SNTG1: variants seen among roughly 807,000 people sequenced by gnomAD.
The protein encoded by SNTG1 is syntrophin gamma 1.
In SNTG1, 39 loss-of-function variants were observed where a neutral mutation model predicts 74.7. That is an observed-to-expected ratio of 0.52 (90% CI 0.40 to 0.68). The LOEUF is 0.68. SNTG1 is among the 30% of genes least tolerant of loss of function. The pLI is 0.00. For missense variants in SNTG1, 685 were observed against 609.5 expected, an observed-to-expected ratio of 1.12 and a Z score of -1.30; for synonymous variants, 254 against 217.1, an observed-to-expected ratio of 1.17 and a Z score of -1.49.
chr8:50,703,059 A>G (rs923626260), intron 15 of SNTG1, among the ~76,000 whole-genome samples: 3 of 152,194 alleles, frequency 2.0e-5, no homozygotes, highest in Non-Finnish European at 4.4e-5. Context: ...GTTACTATAC[A>G]GCACTATAGA....
chr8:50,623,550 C>A (rs2094936983), intron 13 of SNTG1, among the ~76,000 whole-genome samples: 1 of 152,050 alleles, frequency 6.6e-6, no homozygotes, highest in Non-Finnish European at 1.5e-5. Context: ...GATTCCATGT[C>A]CCTGTATGTG....
intron 15 of SNTG1, among the ~76,000 whole-genome samples, chr8:50,701,586 CTCT>C (rs5891382): frequency 0.086 from 12,414 of 145,160 alleles, 688 homozygotes; most frequent in Non-Finnish European, 0.12. Flanking sequence ...CTTTTTCTTC[CTCT>C]TCTTCTTCTT....
intron 1 of SNTG1, among the ~76,000 whole-genome samples, chr8:49,970,385 A>T (rs1469579894): frequency 6.6e-6 from 1 of 152,176 alleles, no homozygotes. Context: ...TCAGTAATGC[A>T]TGTGTGTTTA....
intron 2 of SNTG1, among the ~76,000 whole-genome samples, chr8:50,361,552 C>T (rs372622945): frequency 2.0e-4 from 31 of 152,208 alleles, no homozygotes; most frequent in African/African-American, 4.6e-4. Context: ...GCTGCCCAGA[C>T]GGGACTCAAA....
chr8:50,553,418 G>T (rs1385123873), intron 12 of SNTG1, among the ~76,000 whole-genome samples: 2 of 152,086 alleles, frequency 1.3e-5, no homozygotes, highest in African/African-American at 4.8e-5. Flanking sequence ...TTAAGCAAAT[G>T]AAAATAACTA....
chr8:50,291,221 A>G (rs908761786), intron 2 of SNTG1, among the ~76,000 whole-genome samples: 3 of 140,252 alleles, frequency 2.1e-5, no homozygotes, highest in Non-Finnish European at 4.6e-5. Context: ...GTGTTTATAT[A>G]TAAGAGAGAG....
intron 1 of SNTG1, among the ~76,000 whole-genome samples, chr8:49,955,947 T>A (rs1158519723): frequency 1.3e-5 from 2 of 152,198 alleles, no homozygotes; most frequent in Non-Finnish European, 2.9e-5. Context: ...AAGTATGTCA[T>A]CTCATTTTCT....
chr8:50,087,316 T>C (rs1822986459), intron 1 of SNTG1, among the ~76,000 whole-genome samples: 1 of 152,178 alleles, frequency 6.6e-6, no homozygotes, highest in Non-Finnish European at 1.5e-5. Flanking sequence ...GTAACAAGAC[T>C]AGTGCTCAAT....
intron 18 of SNTG1, among the ~76,000 whole-genome samples, chr8:50,754,183 T>G (rs1029620500): frequency 6.6e-6 from 1 of 151,698 alleles, no homozygotes; most frequent in Non-Finnish European, 1.5e-5. Context: ...ACATAAGCTT[T>G]TATTTATCTG....
chr8:50,266,409 C>T (rs902059398), intron 2 of SNTG1, among the ~76,000 whole-genome samples: 2 of 151,686 alleles, frequency 1.3e-5, no homozygotes, highest in Non-Finnish European at 2.9e-5. Context: ...TGGATCATGT[C>T]CTCAAATCAT....
At chr8:50,460,185 T>C (rs764169145) in intron 8 of SNTG1, among the ~76,000 whole-genome samples, 19 of 152,208 alleles carry the variant, frequency 1.2e-4, no homozygotes, top group Non-Finnish European at 2.1e-4. Context: ...TTCTGAATGG[T>C]GCGAGATGGT....
chr8:49,964,200 C>T (rs977297303), intron 1 of SNTG1, among the ~76,000 whole-genome samples: 5 of 152,162 alleles, frequency 3.3e-5, no homozygotes, highest in Non-Finnish European at 2.9e-5. Context: ...AAGTAGATTA[C>T]TCTTCAAGTG....
intron 4 of SNTG1, among the ~76,000 whole-genome samples, chr8:50,411,815 G>T (rs2092952849): frequency 6.6e-6 from 1 of 152,142 alleles, no homozygotes; most frequent in Non-Finnish European, 1.5e-5. Flanking sequence ...TGGCTCCAGT[G>T]AAAACATTGT....
intron 8 of SNTG1, chr8:50,457,837 C>A (rs181325845): frequency 6.6e-6 from 1 of 152,190 alleles, no homozygotes; most frequent in African/African-American, 2.4e-5. Flanking sequence ...GAGTATTCAG[C>A]CCCAGGCACT....
chr8:50,657,050 G>A, intron 14 of SNTG1, 25 bp downstream of exon 14: 1 of 1,370,626 alleles, frequency 7.3e-7, no homozygotes, highest in Non-Finnish European at 9.8e-7. Context: ...GAAATGTATT[G>A]GTCGTTTCCA....
chr8:50,345,901 C>T (rs28736414), intron 2 of SNTG1, among the ~76,000 whole-genome samples: 9,941 of 152,202 alleles, frequency 0.065, 350 homozygotes, highest in African/African-American at 0.072. Flanking sequence ...TTAATTTTAA[C>T]CATCCTTGCT....
At chr8:50,371,847 G>A (rs775613646) in intron 2 of SNTG1, among the ~76,000 whole-genome samples, 1 of 151,978 alleles carries the variant, frequency 6.6e-6, no homozygotes, top group Non-Finnish European at 1.5e-5. Flanking sequence ...TGTAAGTATA[G>A]CTACCCCTGC....
At chr8:50,287,912 C>T (rs1054395281) in intron 2 of SNTG1, among the ~76,000 whole-genome samples, 2 of 152,232 alleles carry the variant, frequency 1.3e-5, no homozygotes, top group Admixed American at 6.5e-5. Flanking sequence ...TGTGTCCATC[C>T]AGCTCATCAT....
chr8:50,115,850 A>G (rs1468495666), intron 1 of SNTG1, among the ~76,000 whole-genome samples: 1 of 151,940 alleles, frequency 6.6e-6, no homozygotes, highest in Non-Finnish European at 1.5e-5. Flanking sequence ...CTCCTTCATC[A>G]TTCATTGAAA....
Sources: gnomAD v4.1 joint callset for allele counts (sites outside exome capture counted in the v4.1 genomes callset) on GRCh38, gnomAD v4.1.1 for gene constraint, MANE v1.5 for transcripts, NCBI Gene and HGNC (gene_info 2026-07-23, HGNC 2026-07-21) for gene names.